ERC2: variants seen among roughly 807,000 people sequenced by gnomAD.
ERC2 encodes ELKS/RAB6-interacting/CAST family member 2, also known as ERC protein 2.
In ERC2, 42 loss-of-function variants were observed where a neutral mutation model predicts 114.8. The ratio of observed to expected loss-of-function variants is 0.37; its 90% CI spans 0.29 to 0.47. The LOEUF (loss-of-function observed/expected upper bound fraction) is 0.47, where lower values mean the gene tolerates loss of function less well. Ranked by LOEUF, ERC2 falls within the 20% of genes least tolerant of loss-of-function variation. ERC2 has a pLI of 0.99. For synonymous variants in ERC2, 454 were observed against 425.5 expected (o/e 1.07, Z -0.82); for missense variants, 939 against 1,150.7 (o/e 0.82, Z 2.66).
intron 17 of ERC2, among the ~76,000 whole-genome samples, chr3:55,601,010 G>A (rs1001763568): frequency 6.6e-6 from 1 of 152,254 alleles, no homozygotes; most frequent in Non-Finnish European, 1.5e-5. Flanking sequence ...CTCTTCTGCA[G>A]TGCCAAAGCA....
chr3:56,010,637 T>C (rs1383299102), intron 8 of ERC2, 48 bp from the exon 9 acceptor site: 2 of 1,582,930 alleles, frequency 1.3e-6, no homozygotes, highest in Admixed American at 1.8e-5. Flanking sequence ...CATCAGTGTA[T>C]ATGCCAAAGC....
intron 1 of ERC2, among the ~76,000 whole-genome samples, chr3:56,458,037 G>A (rs866851301): frequency 6.6e-6 from 1 of 152,162 alleles, no homozygotes; most frequent in African/African-American, 2.4e-5. Flanking sequence ...TCCTCTTGAC[G>A]TGTACACACC....
intron 14 of ERC2, among the ~76,000 whole-genome samples, chr3:55,882,486 G>T (rs1340637590): frequency 1.3e-5 from 2 of 152,178 alleles, no homozygotes; most frequent in Admixed American, 6.5e-5. Flanking sequence ...TGTATACATA[G>T]GTTCCACATT....
At chr3:55,803,350 T>C (rs1364487362) in intron 14 of ERC2, among the ~76,000 whole-genome samples, 1 of 152,152 alleles carries the variant, frequency 6.6e-6, no homozygotes, top group Non-Finnish European at 1.5e-5. Context: ...AACATAACGA[T>C]GAAAATTTAT....
chr3:56,409,342 T>C (rs889462408), intron 2 of ERC2, among the ~76,000 whole-genome samples: 6 of 152,182 alleles, frequency 3.9e-5, no homozygotes, highest in African/African-American at 1.4e-4. Context: ...CCTGGGAATA[T>C]ATAGAGTCCC....
chr3:56,263,876 C>A (rs1172754103), intron 3 of ERC2, among the ~76,000 whole-genome samples: 1 of 152,134 alleles, frequency 6.6e-6, no homozygotes, highest in Non-Finnish European at 1.5e-5. Flanking sequence ...AGGCCAATAT[C>A]TCTGATAAAC....
Position 56,445,983 on chromosome 3 carries a change from A to G in ERC2, c.-140-10836T>C, listed in dbSNP as rs548837016. Among the ~76,000 whole-genome samples, 8 of 152,082 alleles carry G rather than the reference A, an allele frequency of 5.3e-5. No homozygotes were observed. The East Asian group carries it at 1.5e-3, about 29-fold the overall frequency. On this transcript the variant is annotated intron_variant, in intron 1 of 17. Transcript: ENST00000288221. ...AAGCTGACTGGCCAAGGGTCATCTC[A>G]ATGGCCCTCTTGTTTAGGTTAAAGT...
chr3:56,411,685 T>C (rs1221629191), intron 2 of ERC2, among the ~76,000 whole-genome samples: 1 of 152,144 alleles, frequency 6.6e-6, no homozygotes, highest in East Asian at 1.9e-4. Context: ...CTACTCTTTT[T>C]AGCACCATTT....
chr3:55,833,580 G>A (rs890251138), intron 14 of ERC2, among the ~76,000 whole-genome samples: 1 of 152,080 alleles, frequency 6.6e-6, no homozygotes, highest in Non-Finnish European at 1.5e-5. Flanking sequence ...GTCATCACCA[G>A]GCCTGCCCTA....
At position 55,652,839 on chromosome 3, in the gene ERC2, G is replaced by A. The variant is rs142177077; in HGVS notation, c.*39+30955C>T. ...CACGCCATTGCCCTCCAGCCCGGGC[G>A]ACAATGCAAGACTCTGTCTCAAAAA... On this transcript the variant is annotated intron_variant, in intron 17 of 17. Coordinates refer to ENST00000288221, the MANE Select transcript of ERC2 (RefSeq NM_015576.3). Among the ~76,000 whole-genome samples the A allele has an allele frequency of 3.7e-3, 493 of 132,730 alleles. 3 individuals are homozygous for A. Among genetic ancestry groups the A allele is most frequent in the African/African-American group, 0.013 (456 of 33,828 alleles). The allele number at this position is 132,730 out of a possible 152,430, so 87.1% of individuals were successfully genotyped here. A position where few individuals can be genotyped will look rare whatever the true frequency, so the allele number is the denominator to read the frequency against.
At chr3:56,326,973 G>A (rs567860401) in intron 2 of ERC2, among the ~76,000 whole-genome samples, 2 of 152,204 alleles carry the variant, frequency 1.3e-5, no homozygotes, top group Non-Finnish European at 2.9e-5. Context: ...TATATTAAGA[G>A]CTCAAGTACT....
intron 6 of ERC2, among the ~76,000 whole-genome samples, chr3:56,112,479 A>G (rs915263992): frequency 5.9e-5 from 9 of 151,922 alleles, no homozygotes; most frequent in African/African-American, 1.9e-4. Context: ...TGGCACACAC[A>G]CATAGGCACA....
rs765125938 is a variant in ERC2, at chr3:56,173,488, C to T, written c.1107G>A (p.Glu369=). ...TCTGGAGAGCCTTCGTCTTGGCTGG[C>T]TCCGGCTGAAGTTGGCTTCTTCGGT... The part of the protein sequence containing the change: ...ELHRRSQLQP[E]PAKTKALQTV... The change falls in exon 4 of 18, where the codon GAG becomes GAA. Residue 369 remains glutamate, a synonymous_variant. Coordinates refer to ENST00000288221, the MANE Select transcript of ERC2 (RefSeq NM_015576.3). 1.2e-6 allele frequency: 2 copies of T among 1,613,952 alleles called. No homozygotes were observed. The highest frequency in any genetic ancestry group is 1.7e-6 in the Non-Finnish European group (2 of 1,179,856).
chr3:55,938,996 C>T lies in ERC2; in HGVS notation c.2403+11429G>A, dbSNP rs140451592. Among the ~76,000 whole-genome samples the T allele has an allele frequency of 4.1e-4, 63 of 152,164 alleles. 1 individual carries two copies. The East Asian group carries it at 0.011, about 27-fold the overall frequency. ...GATTTGGAGTATAGCATAATGTGAACTTGTAATTAGAAATCAATGTGGATT... is the reference window on the plus strand; with the variant it reads ...GATTTGGAGTATAGCATAATGTGAATTTGTAATTAGAAATCAATGTGGATT... On this transcript the variant is annotated intron_variant, in intron 13 of 17. Coordinates refer to ENST00000288221, the MANE Select transcript of ERC2 (RefSeq NM_015576.3).
intron 2 of ERC2, among the ~76,000 whole-genome samples, chr3:56,419,813 A>G (rs2107213501): frequency 6.6e-6 from 1 of 152,344 alleles, no homozygotes; most frequent in Admixed American, 6.5e-5. Flanking sequence ...CAGATTATGC[A>G]CACCTTTCTA....
chr3:55,717,107 G>C (rs781067138), intron 15 of ERC2, among the ~76,000 whole-genome samples: 1 of 152,174 alleles, frequency 6.6e-6, no homozygotes, highest in Non-Finnish European at 1.5e-5. Flanking sequence ...AACAGAGTCA[G>C]GTTTTAGGAA....
chr3:55,765,339 A>C (rs1219663617), intron 14 of ERC2, among the ~76,000 whole-genome samples: 1 of 152,222 alleles, frequency 6.6e-6, no homozygotes, highest in Non-Finnish European at 1.5e-5. Flanking sequence ...TTTTCTTGGC[A>C]GATTAAATTG....
intron 17 of ERC2, among the ~76,000 whole-genome samples, chr3:55,527,695 T>C (rs1018237063): frequency 2.0e-5 from 3 of 152,160 alleles, no homozygotes; most frequent in Non-Finnish European, 4.4e-5. Context: ...TACAGAGGCA[T>C]GCCATACCTC....
chr3:55,757,182 C>T (rs1257257343), intron 14 of ERC2, among the ~76,000 whole-genome samples: 1 of 152,104 alleles, frequency 6.6e-6, no homozygotes, highest in East Asian at 1.9e-4. Context: ...TCATTTCCGG[C>T]CAAGGAGAGC....
Sources: allele counts gnomAD v4.1 joint callset (sites outside exome capture counted in the v4.1 genomes callset), GRCh38; gene constraint gnomAD v4.1.1; transcripts MANE v1.5; gene names NCBI Gene and HGNC (gene_info 2026-07-23, HGNC 2026-07-21).